SLC35D4: variants seen among roughly 807,000 people sequenced by gnomAD.
The protein encoded by SLC35D4 is solute carrier family 35 member D4.
At chr18:23,334,775 C>T in the SLC35D4 span, among the ~76,000 whole-genome samples, 1,321 of 152,126 alleles carry the variant, frequency 8.7e-3, 42 homozygotes, top group East Asian at 0.072. Context: ...CCCAGGCAGG[C>T]GGATCACTTG....
At chr18:23,309,321 A>G in the SLC35D4 span, among the ~76,000 whole-genome samples, 1 of 152,014 alleles carries the variant, frequency 6.6e-6, no homozygotes, top group Admixed American at 6.6e-5. Context: ...CATATTATGC[A>G]TATACATACA....
At chr18:23,257,838 A>T in the SLC35D4 span, 2 of 153,596 alleles carry the variant, frequency 1.3e-5, no homozygotes, top group African/African-American at 4.8e-5. Flanking sequence ...TTGTATCAGC[A>T]TTGGAAGTGC....
chr18:23,371,935 G>GTTTTTTTTTTTTTTTTTTTTT, the SLC35D4 span, among the ~76,000 whole-genome samples: 45 of 35,450 alleles, frequency 1.3e-3, 5 homozygotes, highest in East Asian at 4.5e-3. Context: ...TGTTTTTTTT[G>GTTTTTTTTTTTTTTTTTTTTT]TTTTTTTTTT....
chr18:23,437,423 C>A, the SLC35D4 span, among the ~76,000 whole-genome samples: 1 of 152,032 alleles, frequency 6.6e-6, no homozygotes, highest in Non-Finnish European at 1.5e-5. Context: ...AGAAAAAAGG[C>A]AGGATGTGTC....
At chr18:23,393,714 T>A in the SLC35D4 span, among the ~76,000 whole-genome samples, 1 of 152,092 alleles carries the variant, frequency 6.6e-6, no homozygotes, top group Non-Finnish European at 1.5e-5. Context: ...GCCTCCTGGG[T>A]TCAAGCAATT....
chr18:23,245,518 A>T, the SLC35D4 span, among the ~76,000 whole-genome samples: 1 of 152,030 alleles, frequency 6.6e-6, no homozygotes, highest in Non-Finnish European at 1.5e-5. Context: ...AAAAAAAAAA[A>T]AAGCGAAATA....
At chr18:23,286,270 G>C in the SLC35D4 span, among the ~76,000 whole-genome samples, 1 of 152,148 alleles carries the variant, frequency 6.6e-6, no homozygotes, top group Admixed American at 6.5e-5. Context: ...CTAAACCGCA[G>C]TGGCCAGGCA....
the SLC35D4 span, among the ~76,000 whole-genome samples, chr18:23,287,219 A>G: frequency 6.6e-6 from 1 of 152,116 alleles, no homozygotes; most frequent in African/African-American, 2.4e-5. Flanking sequence ...TGTTTTGCCT[A>G]TCCACCCCGT....
At chr18:23,302,647 G>A in the SLC35D4 span, among the ~76,000 whole-genome samples, 1 of 152,186 alleles carries the variant, frequency 6.6e-6, no homozygotes, top group South Asian at 2.1e-4. Flanking sequence ...CCTGGAGTCA[G>A]GGAATGTGCC....
the SLC35D4 span, among the ~76,000 whole-genome samples, chr18:23,431,272 A>G: frequency 4.6e-5 from 7 of 152,130 alleles, no homozygotes; most frequent in East Asian, 9.6e-4. Flanking sequence ...TGGAGCTGGC[A>G]TCATGAGCAA....
the SLC35D4 span, chr18:23,437,746 C>G: frequency 6.3e-7 from 1 of 1,599,350 alleles, no homozygotes; most frequent in Non-Finnish European, 8.5e-7. Context: ...AAACCTCCCA[C>G]GTGCAATCGC....
At chr18:23,363,465 C>T in the SLC35D4 span, among the ~76,000 whole-genome samples, 3 of 146,780 alleles carry the variant, frequency 2.0e-5, no homozygotes, top group African/African-American at 7.6e-5. Flanking sequence ...AGCTCCGCCT[C>T]CCGGGTTCAC....
At chr18:23,265,344 C>T in the SLC35D4 span, among the ~76,000 whole-genome samples, 1 of 152,124 alleles carries the variant, frequency 6.6e-6, no homozygotes, top group Non-Finnish European at 1.5e-5. Context: ...CTTCACTAAA[C>T]TCACTCAATT....
At chr18:23,269,399 G>T in the SLC35D4 span, among the ~76,000 whole-genome samples, 2 of 152,184 alleles carry the variant, frequency 1.3e-5, no homozygotes, top group African/African-American at 4.8e-5. Flanking sequence ...AGTTTCCTGA[G>T]GCCTCTCCAG....
the SLC35D4 span, chr18:23,309,822 T>G: frequency 2.1e-6 from 3 of 1,410,802 alleles, no homozygotes; most frequent in South Asian, 3.5e-5. Flanking sequence ...TTTCACAAGC[T>G]TAGCTCACTT....
At chr18:23,392,895 A>G in the SLC35D4 span, among the ~76,000 whole-genome samples, 1 of 152,082 alleles carries the variant, frequency 6.6e-6, no homozygotes, top group African/African-American at 2.4e-5. Context: ...AAAAACTCCT[A>G]CTGGAACCTA....
the SLC35D4 span, among the ~76,000 whole-genome samples, chr18:23,394,693 C>T: frequency 1.3e-5 from 2 of 152,190 alleles, no homozygotes; most frequent in South Asian, 2.1e-4. Context: ...ATTTTATGGC[C>T]GTGCGCAGTG....
the SLC35D4 span, among the ~76,000 whole-genome samples, chr18:23,291,123 G>C: frequency 1.3e-5 from 2 of 152,186 alleles, no homozygotes; most frequent in Non-Finnish European, 2.9e-5. Flanking sequence ...TGTGGGTCTT[G>C]CCCTGCAATG....
At chr18:23,365,982 A>G in the SLC35D4 span, among the ~76,000 whole-genome samples, 1 of 152,190 alleles carries the variant, frequency 6.6e-6, no homozygotes, top group Non-Finnish European at 1.5e-5. Context: ...ATCTACCAAG[A>G]GTATTTATAA....
Sources: gnomAD v4.1 joint callset for allele counts (sites outside exome capture counted in the v4.1 genomes callset) on GRCh38, gnomAD v4.1.1 for gene constraint, MANE v1.5 for transcripts, NCBI Gene and HGNC (gene_info 2026-07-23, HGNC 2026-07-21) for gene names.